Variants in B4GALNT3 observed in about 807,000 individuals in gnomAD.
B4GALNT3 encodes beta-1,4-N-acetylgalactosaminyltransferase 3.
B4GALNT3 carries 86 observed loss-of-function variants against 120.2 expected under a neutral mutation model. That is an observed-to-expected ratio of 0.72 (90% CI 0.60 to 0.86). The LOEUF (loss-of-function observed/expected upper bound fraction) is 0.86. Ranked by LOEUF, B4GALNT3 falls within the 40% of genes least tolerant of loss-of-function variation. B4GALNT3 has a pLI of 0.00. For synonymous variants in B4GALNT3, 518 were observed against 510.4 expected, an observed-to-expected ratio of 1.01 and a Z score of -0.20; for missense variants, 1,167 against 1,298.9, an observed-to-expected ratio of 0.90 and a Z score of 1.56.
intron 1 of B4GALNT3, among the ~76,000 whole-genome samples, chr12:529,229 T>A (rs909671597): frequency 9.2e-5 from 14 of 152,196 alleles, no homozygotes; most frequent in African/African-American, 3.4e-4. Context: ...CACCCACTGC[T>A]TCCACTTCTT....
In B4GALNT3 at chr12:553,992, A is replaced by G. The variant is rs899581837; in HGVS notation, c.2060+9A>G. 16 of 1,597,266 alleles carry G rather than the reference A, an allele frequency of 1.0e-5. No individual in the cohort carries two copies. In the Middle Eastern group the frequency reaches 6.8e-4, roughly 68 times the overall value. The stretch of plus-strand genomic sequence containing the variant: ...AACCAGAGGAGCCGGGGGTAAGGTA[A>G]AGGGCTCTCCTGGGGCCAGGGACTG... On this transcript the variant is annotated intron_variant, in intron 14 of 19. Transcript: ENST00000266383.
chr12:554,502 A>G (rs571742532), intron 14 of B4GALNT3, among the ~76,000 whole-genome samples: 13 of 152,248 alleles, frequency 8.5e-5, no homozygotes, highest in African/African-American at 2.9e-4. Flanking sequence ...TTAAAAGTAT[A>G]TTTACAGGCT....
rs150035602 is a variant in B4GALNT3 at position 553,563 on chromosome 12, C to T, written c.1640C>T (p.Pro547Leu). The change falls in exon 14 of 20, where the codon CCC (proline) becomes CTC (leucine). Residue 547 changes from proline (P) to leucine (L), a missense_variant. Physicochemically the swap from Pro to Leu is moderately conservative, Grantham distance 98. Transcript: ENST00000266383. ...PVKNLPQMRG[P>L]RPRPAGDSPR... ...AAGAACCTGCCTCAGATGAGGGGGC[C>T]CAGGCCCAGGCCCGCTGGTGACAGC... is the stretch of plus-strand genomic sequence containing the variant. 30 of 1,613,768 alleles carry T rather than the reference C, an allele frequency of 1.9e-5. No homozygotes were observed. The highest frequency in any genetic ancestry group is 1.1e-4 in the East Asian group (5 of 44,880).
intron 1 of B4GALNT3, among the ~76,000 whole-genome samples, chr12:474,947 CAAAAA>C (rs386375353): frequency 3.3e-5 from 2 of 60,616 alleles, no homozygotes; most frequent in South Asian, 8.0e-4. Context: ...GACCTTGTCT[CAAAAA>C]AAAAAAAAAA....
At chr12:520,549 T>C (rs2098156) in intron 1 of B4GALNT3, among the ~76,000 whole-genome samples, 87,484 of 140,976 alleles carry the variant, frequency 0.62, 27,404 homozygotes, top group East Asian at 0.84. Context: ...GATGTAAAAA[T>C]CCTGCTCAGT....
chr12:485,125 G>T (rs952424574), intron 1 of B4GALNT3, among the ~76,000 whole-genome samples: 2 of 152,160 alleles, frequency 1.3e-5, no homozygotes, highest in East Asian at 3.9e-4. Context: ...TGTTGGAGGT[G>T]GGATTTGAAC....
chr12:535,093 C>A, intron 1 of B4GALNT3, 73 bp from the exon 2 acceptor site: 1 of 1,303,994 alleles, frequency 7.7e-7, no homozygotes, highest in Non-Finnish European at 1.1e-6. Context: ...CTCCATTAAC[C>A]TCCCAAATCT....
intron 6 of B4GALNT3, among the ~76,000 whole-genome samples, chr12:546,172 A>T (rs1220399529): frequency 2.4e-5 from 3 of 125,534 alleles, no homozygotes; most frequent in African/African-American, 9.1e-5. Flanking sequence ...AATGAGAAAG[A>T]GGGAGCAGTG....
At chr12:512,372 A>G (rs1469617282) in intron 1 of B4GALNT3, among the ~76,000 whole-genome samples, 2 of 84,202 alleles carry the variant, frequency 2.4e-5, no homozygotes, top group Non-Finnish European at 4.6e-5. Context: ...ACCTTCTTCC[A>G]CCTTCCACCT....
intron 6 of B4GALNT3, among the ~76,000 whole-genome samples, chr12:545,697 AGGAGT>A (rs1946989024): frequency 8.2e-6 from 1 of 122,398 alleles, no homozygotes; most frequent in African/African-American, 3.3e-5. Context: ...AGGTGTGGGG[AGGAGT>A]GAGGAATGGG....
intron 19 of B4GALNT3, among the ~76,000 whole-genome samples, chr12:559,940 G>A (rs1947207530): frequency 1.3e-5 from 2 of 152,120 alleles, no homozygotes; most frequent in Non-Finnish European, 2.9e-5. Flanking sequence ...AAGGGACCTG[G>A]GGGTTTGGAG....
chr12:547,975 C>T (rs775712053), intron 7 of B4GALNT3, 49 bp from the exon 8 acceptor site: 1 of 1,542,504 alleles, frequency 6.5e-7, no homozygotes, highest in South Asian at 1.1e-5. Context: ...GCCGCGACCC[C>T]AGGGCCCATG....
At chr12:549,998 C>G in intron 10 of B4GALNT3, 86 bp downstream of exon 10, 2 of 1,427,694 alleles carry the variant, frequency 1.4e-6, no homozygotes, top group East Asian at 2.5e-5. Flanking sequence ...GCTTGAGAGA[C>G]CTGCCAAGTA....
chr12:544,428 C>A lies in B4GALNT3; in HGVS notation c.441C>A (p.Tyr147Ter). 1 of 1,613,624 alleles carries A rather than the reference C, an allele frequency of 6.2e-7. No homozygotes were observed. The highest frequency in any genetic ancestry group is 8.5e-7 in the Non-Finnish European group (1 of 1,179,808). Residue 147 changes from tyrosine to a stop codon, truncating the protein, a stop_gained, in exon 4 of 20, where the codon TAC (tyrosine) becomes TAA (stop). Transcript: ENST00000266383. LOFTEE classifies it high-confidence loss of function. ...GGAGGAACCTGCATTTCCCACTGTA[C>A]CCCCATGTGAGTGCCTGAGGGCTGC... is the stretch of plus-strand genomic sequence containing the variant. ...QLRRNLHFPL[Y>*]PHIRTTLRKL...
chr12:543,383 C>A (rs950241064), intron 3 of B4GALNT3, among the ~76,000 whole-genome samples: 4 of 150,398 alleles, frequency 2.7e-5, no homozygotes, highest in Non-Finnish European at 1.5e-5. Context: ...GGGTGCTCAT[C>A]CTCCTGGAGC....
Position 536,299 on chromosome 12 carries a change from A to G in B4GALNT3, c.351+4A>G. 1 of 1,608,106 alleles carries G rather than the reference A, an allele frequency of 6.2e-7. No homozygotes were observed. Among genetic ancestry groups the G allele is most frequent in the Non-Finnish European group, 8.5e-7 (1 of 1,174,508 alleles). ...GCCTGTCCCCTGGCTCTCAGAGGTGAGGGACTTTCTATTGTACCTGCCCTT... is the reference window on the plus strand; with the variant it reads ...GCCTGTCCCCTGGCTCTCAGAGGTGGGGGACTTTCTATTGTACCTGCCCTT... On this transcript the variant is annotated splice_donor_region_variant and intron_variant, in intron 3 of 19. Transcript: ENST00000266383.
At chr12:552,295 A>G (rs1376190153) in intron 12 of B4GALNT3, 132 bp downstream of exon 12, 3 of 35,222 alleles carry the variant, frequency 8.5e-5, no homozygotes, top group Non-Finnish European at 1.7e-4. Flanking sequence ...TGAGTACTAC[A>G]CACACACACA....
chr12:511,318 T>TCCAC (rs1565597758), intron 1 of B4GALNT3, among the ~76,000 whole-genome samples: 65 of 33,210 alleles, frequency 2.0e-3, no homozygotes, highest in African/African-American at 5.7e-3. Flanking sequence ...CCTTCCGCCT[T>TCCAC]CTGCCTTCCA....
intron 1 of B4GALNT3, among the ~76,000 whole-genome samples, chr12:479,449 T>A (rs1208279928): frequency 1.3e-5 from 2 of 152,158 alleles, no homozygotes; most frequent in Admixed American, 1.3e-4. Flanking sequence ...GGACTTTGAA[T>A]CTGGTCATCA....
Sources: gnomAD v4.1 joint callset for allele counts (sites outside exome capture counted in the v4.1 genomes callset) on GRCh38, gnomAD v4.1.1 for gene constraint, MANE v1.5 for transcripts, NCBI Gene and HGNC (gene_info 2026-07-23, HGNC 2026-07-21) for gene names.